The following GALNT13 variants were observed in gnomAD, a reference collection of about 807,000 sequenced individuals.
The protein encoded by GALNT13 is UDP-GalNAc:polypeptide N-acetylgalactosaminyltransferase 13.
Under a neutral mutation model 64.2 loss-of-function variants are expected in GALNT13, and 28 were observed. That is an observed-to-expected ratio of 0.44 (90% CI 0.32 to 0.60). GALNT13 has a LOEUF of 0.60. Ranked by LOEUF, GALNT13 falls within the 20% of genes least tolerant of loss-of-function variation. The probability of loss-of-function intolerance (pLI) is 0.05; values close to 1 mark genes in which losing one functional copy is unlikely to be tolerated. For synonymous variants in GALNT13, 214 were observed against 224.6 expected (o/e 0.95, Z 0.42); for missense variants, 577 against 669.8 (o/e 0.86, Z 1.53).
At chr2:154,205,990 TTTA>T (rs367653649) in intron 4 of GALNT13, among the ~76,000 whole-genome samples, 7 of 151,252 alleles carry the variant, frequency 4.6e-5, no homozygotes, top group African/African-American at 1.2e-4. Flanking sequence ...TGATTTTCCT[TTTA>T]TTATTATTAT....
chr2:153,207,414 T>C, the GALNT13 span, among the ~76,000 whole-genome samples: 1 of 152,124 alleles, frequency 6.6e-6, no homozygotes, highest in African/African-American at 2.4e-5. Context: ...CATCAGAATA[T>C]GTAATATGTG....
intron 4 of GALNT13, among the ~76,000 whole-genome samples, chr2:154,198,823 T>A (rs1687019425): frequency 6.6e-6 from 1 of 152,070 alleles, no homozygotes; most frequent in Non-Finnish European, 1.5e-5. Flanking sequence ...CTGTCTATGG[T>A]TGTTGTAATA....
At chr2:153,892,418 G>T (rs1479695103) in intron 1 of GALNT13, among the ~76,000 whole-genome samples, 1 of 151,692 alleles carries the variant, frequency 6.6e-6, no homozygotes. Context: ...AAAAATCATG[G>T]GTCCAAGATT....
chr2:153,623,629 G>A, the GALNT13 span, among the ~76,000 whole-genome samples: 10 of 151,906 alleles, frequency 6.6e-5, no homozygotes, highest in Middle Eastern at 3.4e-3. Context: ...AGAATGGAAC[G>A]AAATATAATT....
intron 9 of GALNT13, among the ~76,000 whole-genome samples, chr2:154,372,659 T>C (rs1697764679): frequency 6.6e-6 from 1 of 152,054 alleles, no homozygotes; most frequent in South Asian, 2.1e-4. Context: ...ACACACAAAA[T>C]ATAGTATGTT....
rs1371164946 is a variant in GALNT13, at chr2:154,396,125, G to A, written c.1291G>A (p.Gly431Ser). Residue 431 changes from glycine (G) to serine (S), a missense_variant, in exon 10 of 13, where the codon GGT becomes AGT. Around this residue, in one of 3 missense-constraint regions of GALNT13, gnomAD observed 232 missense variants for 270.6 expected, o/e 0.86. Transcript: ENST00000392825. ...SQIPRRYYSL[G>S]EIRNVETNQC... The stretch of plus-strand genomic sequence containing the variant: ...GATCCCAAGACGTTATTACTCACTT[G>A]GTGAGGTATGAATTATTTATTTTGG... The A allele has an allele frequency of 6.3e-7, 1 of 1,594,382 alleles. No homozygotes were observed. The highest frequency in any genetic ancestry group is 8.5e-7 in the Non-Finnish European group (1 of 1,172,082).
chr2:153,898,369 A>G (rs1195056466), intron 1 of GALNT13, among the ~76,000 whole-genome samples: 1 of 152,180 alleles, frequency 6.6e-6, no homozygotes, highest in African/African-American at 2.4e-5. Context: ...TCTGCAAAAT[A>G]TATTGATATT....
At chr2:153,604,930 A>G in the GALNT13 span, among the ~76,000 whole-genome samples, 10 of 152,146 alleles carry the variant, frequency 6.6e-5, no homozygotes, top group East Asian at 1.2e-3. Flanking sequence ...ATCTAGTTCA[A>G]TTATTCAATT....
intron 3 of GALNT13, among the ~76,000 whole-genome samples, chr2:154,112,465 A>G (rs1703041210): frequency 6.6e-6 from 1 of 152,182 alleles, no homozygotes; most frequent in Non-Finnish European, 1.5e-5. Flanking sequence ...GCATACAAAT[A>G]TCTTAACAGT....
the GALNT13 span, among the ~76,000 whole-genome samples, chr2:153,393,225 T>A: frequency 6.6e-6 from 1 of 152,002 alleles, no homozygotes; most frequent in Non-Finnish European, 1.5e-5. Flanking sequence ...TCGACTAATC[T>A]TAATTTATTT....
At chr2:154,126,788 A>G (rs1682304534) in intron 3 of GALNT13, among the ~76,000 whole-genome samples, 1 of 152,228 alleles carries the variant, frequency 6.6e-6, no homozygotes, top group Non-Finnish European at 1.5e-5. Context: ...TGGGCTTAAC[A>G]TGCAATGCAT....
At chr2:153,915,488 A>G (rs1689265058) in intron 2 of GALNT13, among the ~76,000 whole-genome samples, 1 of 152,140 alleles carries the variant, frequency 6.6e-6, no homozygotes, top group African/African-American at 2.4e-5. Context: ...ACCTACTTTC[A>G]TGGTGACTAC....
intron 3 of GALNT13, among the ~76,000 whole-genome samples, chr2:154,023,018 C>T (rs2105283699): frequency 6.6e-6 from 1 of 152,310 alleles, no homozygotes; most frequent in East Asian, 1.9e-4. Flanking sequence ...GAGTGAGTTT[C>T]TTAATCTTGA....
the GALNT13 span, among the ~76,000 whole-genome samples, chr2:153,717,281 A>C: frequency 3.5e-4 from 53 of 152,324 alleles, no homozygotes; most frequent in African/African-American, 1.2e-3. Context: ...GTGTATTAGC[A>C]AGTTTCACTT....
chr2:154,102,448 T>C (rs778554011), intron 3 of GALNT13, among the ~76,000 whole-genome samples: 2 of 152,076 alleles, frequency 1.3e-5, no homozygotes, highest in Non-Finnish European at 2.9e-5. Context: ...TAATTAGCAT[T>C]TAAGAAAACC....
chr2:153,519,444 A>G, the GALNT13 span, among the ~76,000 whole-genome samples: 7 of 152,200 alleles, frequency 4.6e-5, no homozygotes, highest in South Asian at 1.0e-3. Context: ...TAGATTTCCA[A>G]TTGGCTAACA....
the GALNT13 span, among the ~76,000 whole-genome samples, chr2:153,225,264 A>G: frequency 6.6e-6 from 1 of 152,242 alleles, no homozygotes; most frequent in Non-Finnish European, 1.5e-5. Context: ...AAAGTATTTT[A>G]CAAAATTTAA....
At chr2:153,666,753 C>T in the GALNT13 span, among the ~76,000 whole-genome samples, 56 of 152,256 alleles carry the variant, frequency 3.7e-4, no homozygotes, top group Non-Finnish European at 6.2e-4. Context: ...AAGTTAAAAG[C>T]CAGAGTGTCT....
At chr2:153,749,847 A>G in the GALNT13 span, among the ~76,000 whole-genome samples, 1 of 151,908 alleles carries the variant, frequency 6.6e-6, no homozygotes, top group Non-Finnish European at 1.5e-5. Context: ...TGCTTTAGCT[A>G]GGACAACCAA....
Sources: allele counts gnomAD v4.1 joint callset (sites outside exome capture counted in the v4.1 genomes callset), GRCh38; gene constraint gnomAD v4.1.1; regional missense constraint gnomAD v4.1.1; transcripts MANE v1.5; gene names NCBI Gene and HGNC (gene_info 2026-07-23, HGNC 2026-07-21).